The following KIAA1958 variants were observed in gnomAD, a reference collection of about 807,000 sequenced individuals.
KIAA1958 encodes uncharacterized protein KIAA1958.
Under a neutral mutation model 47.2 loss-of-function variants are expected in KIAA1958, and 14 were observed. The observed-to-expected ratio is 0.30, with a 90% CI of 0.20 to 0.46. The LOEUF (loss-of-function observed/expected upper bound fraction) is 0.46, where lower values mean the gene tolerates loss of function less well. Among genes scored for constraint, KIAA1958 ranks in the 20% least tolerant of loss-of-function variants. KIAA1958 has a pLI of 1.00. For missense variants in KIAA1958, 803 were observed against 909.2 expected, an observed-to-expected ratio of 0.88 and a Z score of 1.50; for synonymous variants, 354 against 353.3, an observed-to-expected ratio of 1.00 and a Z score of -0.02.
At chr9:112,513,480 C>CGGTGGCTTAGAGAGCCCGTCCGGCCAT (rs1554720343) in intron 1 of KIAA1958, among the ~76,000 whole-genome samples, 1 of 57,972 alleles carries the variant, frequency 1.7e-5, no homozygotes, top group African/African-American at 8.1e-5. Flanking sequence ...GGGCTGGGGT[C>CGGTGGCTTAGAGAGCCCGTCCGGCCAT]GGTGGCCGCG....
At chr9:112,516,176 A>G (rs1330351595) in intron 1 of KIAA1958, among the ~76,000 whole-genome samples, 2 of 152,112 alleles carry the variant, frequency 1.3e-5, no homozygotes, top group South Asian at 2.1e-4. Context: ...AATTCAATTC[A>G]TAGAAGTTAA....
At chr9:112,552,726 G>A (rs1306883503) in intron 1 of KIAA1958, among the ~76,000 whole-genome samples, 2 of 152,228 alleles carry the variant, frequency 1.3e-5, no homozygotes, top group Admixed American at 6.5e-5. Context: ...GGGGTTGCAT[G>A]TGTAGGGTGG....
rs1835466244 is a variant in KIAA1958 at position 112,568,421 on chromosome 9, TACACAG to T, written c.-24-5632_-24-5627del. Among the ~76,000 whole-genome samples, 3 of 152,358 alleles carry T rather than the reference TACACAG, an allele frequency of 2.0e-5. No homozygotes were observed. The South Asian group carries it at 6.2e-4, about 32-fold the overall frequency. On this transcript the variant is annotated intron_variant, in intron 1 of 3. Coordinates refer to ENST00000337530, the MANE Select transcript of KIAA1958 (RefSeq NM_133465.4). The stretch of plus-strand genomic sequence containing the variant: ...TTAAGGACATTTCAGTGCTTTTATG[TACACAG>T]ACAGTGCTTACACACAGTCAACATT...
intron 2 of KIAA1958, among the ~76,000 whole-genome samples, chr9:112,606,099 C>T (rs1043730111): frequency 6.6e-6 from 1 of 152,108 alleles, no homozygotes; most frequent in African/African-American, 2.4e-5. Flanking sequence ...TGAGGTAGCT[C>T]GGCAGGACCT....
chr9:112,549,076 T>C, intron 1 of KIAA1958, among the ~76,000 whole-genome samples: 1 of 152,242 alleles, frequency 6.6e-6, no homozygotes, highest in African/African-American at 2.4e-5. Flanking sequence ...TGTGGTATTT[T>C]GTTATGGCAG....
intron 1 of KIAA1958, among the ~76,000 whole-genome samples, chr9:112,567,413 T>C (rs980647645): frequency 6.6e-6 from 1 of 152,172 alleles, no homozygotes; most frequent in Admixed American, 6.5e-5. Flanking sequence ...TAAGTTCTTC[T>C]TTATGCTCCC....
At chr9:112,631,518 A>G (rs2131229903) in intron 2 of KIAA1958, among the ~76,000 whole-genome samples, 1 of 137,898 alleles carries the variant, frequency 7.3e-6, no homozygotes, top group Admixed American at 7.7e-5. Flanking sequence ...GGAATAGAGC[A>G]AGAGCCTCTC....
In KIAA1958 at chr9:112,658,949, G is replaced by A. The variant is rs566723468; in HGVS notation, c.1345-314G>A. Reference sequence around the variant, plus strand: ...GCAGGAGAATGGCGTGAACCCGGGAGGCGGAGCTTGCAGTGAGCCGAGATC... The same window carrying A: ...GCAGGAGAATGGCGTGAACCCGGGAAGCGGAGCTTGCAGTGAGCCGAGATC... On this transcript the variant is annotated intron_variant, in intron 3 of 3. Coordinates refer to ENST00000337530, the MANE Select transcript of KIAA1958 (RefSeq NM_133465.4). 2.0e-5 allele frequency among the ~76,000 whole-genome samples: 3 copies of A among 149,986 alleles called. No homozygotes were observed. The East Asian group carries it at 5.9e-4, about 29-fold the overall frequency.
At chr9:112,622,280 A>G (rs1836522939) in intron 2 of KIAA1958, among the ~76,000 whole-genome samples, 1 of 152,248 alleles carries the variant, frequency 6.6e-6, no homozygotes. Context: ...AAATAAAGCC[A>G]TATTTGCAGT....
At chr9:112,554,642 A>G (rs189513728) in intron 1 of KIAA1958, among the ~76,000 whole-genome samples, 180 of 152,292 alleles carry the variant, frequency 1.2e-3, no homozygotes, top group African/African-American at 3.9e-3. Flanking sequence ...TACAAACACT[A>G]GATAAAAACA....
intron 2 of KIAA1958, among the ~76,000 whole-genome samples, chr9:112,632,432 G>A (rs1041794210): frequency 4.0e-5 from 6 of 151,874 alleles, no homozygotes; most frequent in African/African-American, 1.5e-4. Context: ...GTGTATTTCT[G>A]CATTTAGTCA....
At chr9:112,557,170 G>A (rs941647194) in intron 1 of KIAA1958, among the ~76,000 whole-genome samples, 1 of 151,968 alleles carries the variant, frequency 6.6e-6, no homozygotes, top group African/African-American at 2.4e-5. Flanking sequence ...CTATTACCTA[G>A]GCTGGCCTTG....
intron 2 of KIAA1958, among the ~76,000 whole-genome samples, chr9:112,604,381 G>A (rs779490057): frequency 1.4e-4 from 21 of 152,112 alleles, no homozygotes; most frequent in Non-Finnish European, 2.2e-4. Flanking sequence ...TCGATCTGTC[G>A]GCTACATTTA....
Position 112,486,925 on chromosome 9 carries a change from C to CG in KIAA1958, c.-218_-217insG. The CG allele has an allele frequency of 6.6e-6, 1 of 150,774 alleles. No homozygotes were observed. Among genetic ancestry groups the CG allele is most frequent in the Non-Finnish European group, 1.4e-5 (1 of 69,076 alleles). The allele number at this position is 150,774 out of a possible 1,614,324, so 9.3% of individuals were successfully genotyped here. A position where few individuals can be genotyped will look rare whatever the true frequency, so the allele number is the denominator to read the frequency against. On this transcript the variant is annotated 5_prime_UTR_variant, in exon 1 of 4. Transcript: ENST00000337530. Reference sequence around the variant, plus strand: ...CCGAGCCAGGCTGGCGCCCCCGCCCCCCGCCCCGCTCCTCGGTCCGCCGCC... The same window carrying CG: ...CCGAGCCAGGCTGGCGCCCCCGCCCCGCCGCCCCGCTCCTCGGTCCGCCGCC...
Position 112,580,939 on chromosome 9 carries a change from A to G in KIAA1958, c.1171+5688A>G, listed in dbSNP as rs370789508. The stretch of plus-strand genomic sequence containing the variant: ...AAAAATTCAGCTTTTTATTTTTGCC[A>G]TCATTTTCTTCCTTATCACAAACCG... On this transcript the variant is annotated intron_variant, in intron 2 of 3. Coordinates refer to ENST00000337530, the MANE Select transcript of KIAA1958 (RefSeq NM_133465.4). Among the ~76,000 whole-genome samples the G allele has an allele frequency of 1.1e-4, 16 of 152,332 alleles. No homozygotes were observed. In the South Asian group the frequency reaches 3.3e-3, roughly 32 times the overall value.
At chr9:112,591,682 C>T (rs1474733285) in intron 2 of KIAA1958, among the ~76,000 whole-genome samples, 2 of 151,614 alleles carry the variant, frequency 1.3e-5, no homozygotes, top group Admixed American at 1.3e-4. Context: ...CGCTTGAGCC[C>T]AGGAGTTTGA....
rs377588443 is a variant in KIAA1958 at position 112,659,283 on chromosome 9, C to T, written c.1365C>T (p.Asn455=). The part of the protein sequence containing the change: ...DITKIPAVKL[N]ELLENFYVTV... ...TTGAGATCCCTGCAGTGAAGTTGAACGAGCTGCTCGAGAACTTTTATGTCA... is the reference window on the plus strand; with the variant it reads ...TTGAGATCCCTGCAGTGAAGTTGAATGAGCTGCTCGAGAACTTTTATGTCA... The change falls in exon 4 of 4, where the codon AAC becomes AAT. Residue 455 remains asparagine (N), a synonymous_variant. Transcript: ENST00000337530. 2.4e-4 allele frequency: 387 copies of T among 1,612,652 alleles called. No individual in the cohort carries two copies. The highest frequency in any genetic ancestry group is 1.3e-3 in the Admixed American group (76 of 59,964).
At chr9:112,624,616 C>T (rs1427987394) in intron 2 of KIAA1958, among the ~76,000 whole-genome samples, 3 of 152,140 alleles carry the variant, frequency 2.0e-5, no homozygotes, top group Non-Finnish European at 2.9e-5. Flanking sequence ...ATTTAAAATT[C>T]CTCATGGTCC....
chr9:112,495,302 A>G (rs1325453191), intron 1 of KIAA1958, among the ~76,000 whole-genome samples: 1 of 152,144 alleles, frequency 6.6e-6, no homozygotes, highest in Non-Finnish European at 1.5e-5. Flanking sequence ...TCTCTTGGTC[A>G]TATTTAAATT....
Sources: gnomAD v4.1 joint callset for allele counts (sites outside exome capture counted in the v4.1 genomes callset) on GRCh38, gnomAD v4.1.1 for gene constraint, MANE v1.5 for transcripts, NCBI Gene and HGNC (gene_info 2026-07-23, HGNC 2026-07-21) for gene names.